The following PACRG variants were observed in gnomAD, a reference collection of about 807,000 sequenced individuals.
PACRG encodes parkin coregulated gene protein.
In PACRG, 29 loss-of-function variants were observed where a neutral mutation model predicts 29.7. The observed-to-expected ratio is 0.98, with a 90% CI of 0.73 to 1.33. The LOEUF is 1.33. Among genes scored for constraint, PACRG ranks in the 40% most tolerant of loss-of-function variants. The pLI is 0.00. For missense variants in PACRG, 279 were observed against 316.2 expected, an observed-to-expected ratio of 0.88 and a Z score of 0.89; for synonymous variants, 116 against 118.7, an observed-to-expected ratio of 0.98 and a Z score of 0.15.
chr6:163,293,502 C>G (rs891793472), intron 4 of PACRG, among the ~76,000 whole-genome samples: 2 of 152,168 alleles, frequency 1.3e-5, no homozygotes, highest in Non-Finnish European at 2.9e-5. Flanking sequence ...CCCAGGCCGA[C>G]TGCTGACCGT....
At chr6:162,838,531 G>A in intron 2 of PACRG, among the ~76,000 whole-genome samples, 1 of 152,088 alleles carries the variant, frequency 6.6e-6, no homozygotes. Flanking sequence ...AAAGGAAAAG[G>A]GAAATGGTCT....
chr6:162,756,538 C>A (rs55715230), intron 1 of PACRG, among the ~76,000 whole-genome samples: 33,248 of 151,980 alleles, frequency 0.22, 4,380 homozygotes, highest in African/African-American at 0.34. Context: ...TGTGTCATGA[C>A]TAGTGAAGTG....
chr6:163,077,726 A>G (rs1812677326), intron 3 of PACRG, among the ~76,000 whole-genome samples: 1 of 152,222 alleles, frequency 6.6e-6, no homozygotes, highest in African/African-American at 2.4e-5. Context: ...AATCTGTTTA[A>G]AAAACATTAA....
chr6:162,748,956 C>T (rs556296216), intron 1 of PACRG, among the ~76,000 whole-genome samples: 3 of 152,258 alleles, frequency 2.0e-5, no homozygotes, highest in Admixed American at 6.5e-5. Context: ...CCCCCTTCTC[C>T]AGTTAGCCAA....
At chr6:162,997,551 C>A in intron 2 of PACRG, 2 of 392,848 alleles carry the variant, frequency 5.1e-6, no homozygotes, top group South Asian at 1.9e-5. Context: ...CAAGGTGGGC[C>A]CAAGGATTCA....
chr6:162,987,480 T>G (rs574548389), intron 2 of PACRG, among the ~76,000 whole-genome samples: 1 of 151,980 alleles, frequency 6.6e-6, no homozygotes, highest in Non-Finnish European at 1.5e-5. Context: ...ATCACGGGGG[T>G]GGGTTTTTCC....
chr6:162,968,044 T>C (rs554876991), intron 2 of PACRG, among the ~76,000 whole-genome samples: 2 of 152,328 alleles, frequency 1.3e-5, no homozygotes, highest in South Asian at 4.1e-4. Context: ...TGTGGATTAC[T>C]TACATAGTGA....
chr6:163,020,362 CTT>C (rs911695052), intron 2 of PACRG, among the ~76,000 whole-genome samples: 33 of 152,168 alleles, frequency 2.2e-4, no homozygotes, highest in African/African-American at 7.5e-4. Context: ...AACAAGCAAA[CTT>C]AGAATTGCTG....
intron 4 of PACRG, among the ~76,000 whole-genome samples, chr6:163,123,700 C>T (rs979569909): frequency 3.6e-4 from 55 of 152,196 alleles, no homozygotes; most frequent in African/African-American, 1.2e-3. Flanking sequence ...CTATTGTCTA[C>T]TTCTGTACAT....
intron 4 of PACRG, among the ~76,000 whole-genome samples, chr6:163,294,019 C>T (rs1224695739): frequency 6.6e-6 from 1 of 151,956 alleles, no homozygotes; most frequent in Non-Finnish European, 1.5e-5. Flanking sequence ...ATAGCAATTA[C>T]AGAATATGAC....
At chr6:163,164,148 A>C (rs918301780) in intron 4 of PACRG, among the ~76,000 whole-genome samples, 1 of 152,226 alleles carries the variant, frequency 6.6e-6, no homozygotes, top group African/African-American at 2.4e-5. Flanking sequence ...GAAAACACTG[A>C]GGCCATATCA....
At chr6:162,758,332 C>A (rs1214840077) in intron 1 of PACRG, among the ~76,000 whole-genome samples, 1 of 152,048 alleles carries the variant, frequency 6.6e-6, no homozygotes, top group Admixed American at 6.6e-5. Context: ...CTGCACATGA[C>A]CCTAAATATG....
At chr6:162,993,849 CATTTTGGCATG>C in intron 2 of PACRG, among the ~76,000 whole-genome samples, 1 of 105,776 alleles carries the variant, frequency 9.5e-6, no homozygotes, top group African/African-American at 4.5e-5. Context: ...ATGGTCTTTA[CATTTTGGCATG>C]ATTTTGCAGC....
chr6:163,302,686 A>G (rs1785048882), intron 4 of PACRG, among the ~76,000 whole-genome samples: 1 of 152,234 alleles, frequency 6.6e-6, no homozygotes, highest in African/African-American at 2.4e-5. Context: ...TTCATTTTAG[A>G]ATTTTCAAAG....
rs112323508 is a variant in PACRG at position 162,961,302 on chromosome 6, CCCCAAAT to C, written c.292-100845_292-100839del. ...GCTGTCTAGAGGAAGAATAAGATTC[CCCCAAAT>C]CCTGATTGTCTCACTTGCAACTGCA... On this transcript the variant is annotated intron_variant, in intron 2 of 4. Transcript: ENST00000366888. Among the ~76,000 whole-genome samples the C allele has an allele frequency of 9.1e-3, 1,380 of 152,274 alleles. 12 individuals are homozygous for C. The highest frequency in any genetic ancestry group is 0.024 in the African/African-American group (997 of 41,560).
At position 163,275,985 on chromosome 6, in the gene PACRG, C is replaced by G. The variant is rs544832983; in HGVS notation, c.614-38842C>G. On this transcript the variant is annotated intron_variant, in intron 4 of 4. Coordinates refer to ENST00000366888, the MANE Select transcript of PACRG (RefSeq NM_001080379.2). Reference sequence around the variant, plus strand: ...AGTATTGCTTTTTTTTTTTATTATTCTCTTTCCTTCCTTCCTTCCTTCCTT... The same window carrying G: ...AGTATTGCTTTTTTTTTTTATTATTGTCTTTCCTTCCTTCCTTCCTTCCTT... Among the ~76,000 whole-genome samples, 16 of 133,946 alleles carry G rather than the reference C, an allele frequency of 1.2e-4. No homozygotes were observed. The South Asian group carries it at 3.8e-3, about 32-fold the overall frequency. 87.9% of individuals were successfully genotyped at this position (133,946 alleles called of 152,430 possible).
chr6:163,182,884 CCAA>C (rs1655386301), intron 4 of PACRG: 1 of 152,186 alleles, frequency 6.6e-6, no homozygotes, highest in Non-Finnish European at 1.5e-5. Context: ...TTGCTGAGCA[CCAA>C]AAGATCGGGA....
At chr6:163,060,545 C>T (rs936739371) in intron 2 of PACRG, among the ~76,000 whole-genome samples, 1 of 152,102 alleles carries the variant, frequency 6.6e-6, no homozygotes, top group African/African-American at 2.4e-5. Context: ...TATAAACCTA[C>T]ATTAGGGATT....
chr6:163,090,804 G>C (rs959057130), intron 4 of PACRG, among the ~76,000 whole-genome samples: 7 of 152,172 alleles, frequency 4.6e-5, no homozygotes, highest in Non-Finnish European at 1.0e-4. Context: ...AGAGATGAGA[G>C]CATTATTAAA....
Sources: allele counts gnomAD v4.1 joint callset (sites outside exome capture counted in the v4.1 genomes callset), GRCh38; gene constraint gnomAD v4.1.1; transcripts MANE v1.5; gene names NCBI Gene and HGNC (gene_info 2026-07-23, HGNC 2026-07-21).